PLXNA3: variants seen among roughly 807,000 people sequenced by gnomAD.
PLXNA3 encodes the protein plexin A3.
In PLXNA3, 52 loss-of-function variants were observed where a neutral mutation model predicts 118.8. The observed-to-expected ratio is 0.44, with a 90% CI of 0.35 to 0.55. PLXNA3 has a LOEUF of 0.55. Among genes scored for constraint, PLXNA3 ranks in the 20% least tolerant of loss-of-function variants. PLXNA3 has a pLI of 0.01. For synonymous variants in PLXNA3, 925 were observed against 762.4 expected (o/e 1.21, Z -3.51); for missense variants, 1,660 against 1,730.8 (o/e 0.96, Z 0.73).
chrX:154,471,042 A>G (rs984187892), intron 30 of PLXNA3, 63 bp from the exon 31 acceptor site: 71 of 972,187 alleles, frequency 7.3e-5, no homozygotes, highest in Non-Finnish European at 9.6e-5. Flanking sequence ...AGATGTGCAC[A>G]TGGGAGGGGC....
At chrX:154,459,474 G>A (rs1324774911) in intron 1 of PLXNA3, among the ~76,000 whole-genome samples, 6 of 112,547 alleles carry the variant, frequency 5.3e-5, no homozygotes, top group Admixed American at 1.9e-4. Context: ...GTGAACCCCT[G>A]GGTCTGGAGG....
chrX:154,467,569 G>C lies in PLXNA3; in HGVS notation c.3466G>C (p.Ala1156Pro), dbSNP rs145800483. 8.4e-7 allele frequency: 1 copy of C among 1,193,629 alleles called. No individual in the cohort carries two copies. Among genetic ancestry groups the C allele is most frequent in the East Asian group, 3.0e-5 (1 of 32,948 alleles). The part of the protein sequence containing the change: ...LKGKNLIPAA[A>P]GSSRLNYTVL... ...GGGCAAGAACCTGATTCCCGCTGCA[G>C]CCGGCAGCTCCCGCCTCAACTACAC... The change falls in exon 20 of 33, where the codon GCC becomes CCC. Residue 1156 changes from alanine to proline, a missense_variant. Ala to Pro is a conservative substitution (Grantham distance 27). Coordinates refer to ENST00000369682, the MANE Select transcript of PLXNA3 (RefSeq NM_017514.5).
chrX:154,464,428 C>T lies in PLXNA3; in HGVS notation c.1855C>T (p.Leu619Phe). The T allele has an allele frequency of 8.3e-7, 1 of 1,211,364 alleles. No homozygotes were observed. The highest frequency in any genetic ancestry group is 1.8e-5 in the South Asian group (1 of 57,038). The change falls in exon 9 of 33, where the codon CTT becomes TTT. Residue 619 changes from leucine (L) to phenylalanine (F), a missense_variant. Leu to Phe is a conservative substitution (Grantham distance 22). Coordinates refer to ENST00000369682, the MANE Select transcript of PLXNA3 (RefSeq NM_017514.5). ...GGCCACCCGCACTGTGCGGCTGCAG[C>T]TTCTCTCCAAGGAGACAGGCGTGAG... Reference protein sequence around the residue: ...HGATRTVRLQLLSKETGVRFA... With the variant: ...HGATRTVRLQFLSKETGVRFA...
In PLXNA3 at chrX:154,463,507, G is replaced by C; in HGVS notation, c.1434G>C (p.Leu478=). Residue 478 remains leucine, a synonymous_variant, in exon 5 of 33, where the codon CTG becomes CTC. Transcript: ENST00000369682. The part of the protein sequence containing the change: ...FSPDHRHIYL[L]SEKQVSQLPV... ...CGGACCACCGGCACATCTATCTCCTGAGTGAGAAGCAGGTGGGCCTGTGGT... is the reference window on the plus strand; with the variant it reads ...CGGACCACCGGCACATCTATCTCCTCAGTGAGAAGCAGGTGGGCCTGTGGT... 1 of 1,202,215 alleles carries C rather than the reference G, an allele frequency of 8.3e-7. No homozygotes were observed. Among genetic ancestry groups the C allele is most frequent in the Non-Finnish European group, 1.1e-6 (1 of 890,972 alleles).
rs782472371 is a variant in PLXNA3 at position 154,460,311 on chromosome X, G to T, written c.128G>T (p.Gly43Val). The T allele has an allele frequency of 8.3e-7, 1 of 1,210,671 alleles. No homozygotes were observed. The highest frequency in any genetic ancestry group is 1.1e-6 in the Non-Finnish European group (1 of 894,786). The change falls in exon 2 of 33, where the codon GGG (glycine) becomes GTG (valine). Residue 43 changes from glycine (G) to valine (V), a missense_variant. Transcript: ENST00000369682. Reference protein sequence around the residue: ...LTHLAVHRVTGEVFVGAVNRV... With the variant: ...LTHLAVHRVTVEVFVGAVNRV... Reference sequence around the variant, plus strand: ...CACCTGGCTGTGCACCGGGTGACTGGGGAGGTGTTCGTGGGCGCAGTGAAC... The same window carrying T: ...CACCTGGCTGTGCACCGGGTGACTGTGGAGGTGTTCGTGGGCGCAGTGAAC...
chrX:154,468,460 G>A lies in PLXNA3; in HGVS notation c.4121G>A (p.Ser1374Asn). Reference protein sequence around the residue: ...VASLTMVALQSRLDYATGLLK... With the variant: ...VASLTMVALQNRLDYATGLLK... ...TCGCTCACCATGGTGGCCCTGCAGA[G>A]CCGGCTCGACTATGCCACGGGGCTG... is the stretch of plus-strand genomic sequence containing the variant. Residue 1374 changes from serine (S) to asparagine (N), a missense_variant, in exon 23 of 33, where the codon AGC (serine) becomes AAC (asparagine). Transcript: ENST00000369682. 8.3e-7 allele frequency: 1 copy of A among 1,211,374 alleles called. No individual in the cohort carries two copies. The highest frequency in any genetic ancestry group is 3.0e-5 in the East Asian group (1 of 33,862).
At position 154,461,436 on chromosome X, in the gene PLXNA3, C is replaced by T. The variant is rs782455704; in HGVS notation, c.932C>T (p.Pro311Leu). The T allele has an allele frequency of 2.6e-5, 31 of 1,210,461 alleles. No homozygotes were observed. The highest frequency in any genetic ancestry group is 2.3e-4 in the Middle Eastern group (1 of 4,368). The change falls in exon 3 of 33, where the codon CCG becomes CTG. Residue 311 changes from proline to leucine, a missense_variant. By Grantham distance (98) the Pro-to-Leu change is moderately conservative. Coordinates refer to ENST00000369682, the MANE Select transcript of PLXNA3 (RefSeq NM_017514.5). ...CTGCTGGCCCAGGCCCTGGGCGTGC[C>T]GGCTGATGAGGACGTCCTCTTCACC... ...GLLLAQALGV[P>L]ADEDVLFTIF...
At chrX:154,462,435 A>T (rs1557205121) in intron 4 of PLXNA3, 125 bp downstream of exon 4, 1 of 539,809 alleles carries the variant, frequency 1.9e-6, no homozygotes, top group African/African-American at 2.5e-5. Flanking sequence ...GCAGGGAGGG[A>T]GATTTCCCTG....
intron 22 of PLXNA3, 27 bp downstream of exon 22, chrX:154,468,251 A>T: frequency 1.7e-6 from 2 of 1,167,056 alleles, no homozygotes; most frequent in Non-Finnish European, 2.3e-6. Context: ...CCTGCCCCCC[A>T]CCATTCCCTT....
chrX:154,462,071 C>T, intron 3 of PLXNA3, 57 bp from the exon 4 acceptor site: 3 of 1,009,350 alleles, frequency 3.0e-6, no homozygotes, highest in Non-Finnish European at 4.1e-6. Flanking sequence ...GAACTGCCGG[C>T]CTCCATCTTG....
chrX:154,459,884 ATCTGGGGTCC>A (rs2068909178), intron 1 of PLXNA3, among the ~76,000 whole-genome samples: 4 of 113,205 alleles, frequency 3.5e-5, no homozygotes, highest in African/African-American at 1.3e-4. Context: ...GAGATGTGGC[ATCTGGGGTCC>A]CAGTTCCAGC....
Position 154,468,437 on chromosome X carries a change from G to A in PLXNA3, c.4098G>A (p.Ser1366=), listed in dbSNP as rs201270436. ...TGCGCGACCGCGGCACCGTGGCCTC[G>A]CTCACCATGGTGGCCCTGCAGAGCC... The part of the protein sequence containing the change: ...FSMRDRGTVA[S]LTMVALQSRL... Residue 1366 remains serine, a synonymous_variant, in exon 23 of 33, where the codon TCG becomes TCA. Coordinates refer to ENST00000369682, the MANE Select transcript of PLXNA3 (RefSeq NM_017514.5). 3.2e-5 allele frequency: 39 copies of A among 1,210,070 alleles called. No homozygotes were observed. In the East Asian group the frequency reaches 9.5e-4, roughly 29 times the overall value.
At position 154,468,132 on chromosome X, in the gene PLXNA3, G is replaced by C; in HGVS notation, c.3871G>C (p.Glu1291Gln). ...DINELTNHMD[E>Q]VQIPFLDYRT... ...CAATGAGCTGACTAACCACATGGAC[G>C]AGGTGCAGATCCCCTTCCTGGACTA... Residue 1291 changes from glutamate to glutamine, a missense_variant, in exon 22 of 33, where the codon GAG becomes CAG. Physicochemically the swap from Glu to Gln is conservative, Grantham distance 29 (BLOSUM62 2). Around this residue, in one of 2 missense-constraint regions of PLXNA3, gnomAD observed 869 missense variants for 1,078.7 expected, o/e 0.81. Coordinates refer to ENST00000369682, the MANE Select transcript of PLXNA3 (RefSeq NM_017514.5). 1.7e-6 allele frequency: 2 copies of C among 1,194,592 alleles called. No individual in the cohort carries two copies. The highest frequency in any genetic ancestry group is 2.3e-6 in the Non-Finnish European group (2 of 885,717).
rs781885813 is a variant in PLXNA3 at position 154,469,668 on chromosome X, T to C, written c.4699-20T>C. On this transcript the variant is annotated intron_variant, in intron 27 of 32. Transcript: ENST00000369682. ...TTCTCAGCTTCCTGCACTGCCCCCCTCTGTCTCTGGGGCCTCCAGGTGACA... is the reference window on the plus strand; with the variant it reads ...TTCTCAGCTTCCTGCACTGCCCCCCCCTGTCTCTGGGGCCTCCAGGTGACA... 5.0e-6 allele frequency: 6 copies of C among 1,192,245 alleles called. No individual in the cohort carries two copies. Among genetic ancestry groups the C allele is most frequent in the Non-Finnish European group, 6.8e-6 (6 of 877,896 alleles).
chrX:154,459,395 GCTC>G (rs1165873221), intron 1 of PLXNA3, among the ~76,000 whole-genome samples: 5 of 111,849 alleles, frequency 4.5e-5, no homozygotes, highest in Admixed American at 9.4e-5. Flanking sequence ...TGGGGACATT[GCTC>G]CTCCTCTTGT....
rs996398737 is a variant in PLXNA3, at chrX:154,467,075, T to C, written c.3126T>C (p.Thr1042=). ...WSIINGSTAI[T]VSGTHLLTVQ... ...TCCCTAGTGGAAGCACTGCCATCAC[T>C]GTGAGTGGGACCCACCTGCTGACGG... Residue 1042 remains threonine (T), a synonymous_variant, in exon 18 of 33, where the codon ACT becomes ACC. Transcript: ENST00000369682. 8.3e-7 allele frequency: 1 copy of C among 1,209,949 alleles called. No homozygotes were observed. Among genetic ancestry groups the C allele is most frequent in the Non-Finnish European group, 1.1e-6 (1 of 894,534 alleles).
At position 154,466,765 on chromosome X, in the gene PLXNA3, C is replaced by A; in HGVS notation, c.3079C>A (p.Arg1027Ser). The change falls in exon 17 of 33, where the codon CGC becomes AGC. Residue 1027 changes from arginine to serine, a missense_variant. Arg to Ser is a moderately radical substitution (Grantham distance 110). This residue lies in a region of PLXNA3 where 869 missense variants were observed against 1,078.7 expected (regional missense o/e 0.81). Coordinates refer to ENST00000369682, the MANE Select transcript of PLXNA3 (RefSeq NM_017514.5). ...CTACACTCAGGACCCCACCGTCACC[C>A]GCCTTGAGCCCACCTGGAGCATCAT... The part of the protein sequence containing the change: ...YTYTQDPTVT[R>S]LEPTWSIING... 8.4e-7 allele frequency: 1 copy of A among 1,189,984 alleles called. No homozygotes were observed. Among genetic ancestry groups the A allele is most frequent in the East Asian group, 3.0e-5 (1 of 33,048 alleles).
At position 154,473,036 on chromosome X, in the gene PLXNA3, T is replaced by C; in HGVS notation, c.*351T>C. The C allele has an allele frequency of 6.4e-6, 1 of 155,670 alleles. No individual in the cohort carries two copies. Among genetic ancestry groups the C allele is most frequent in the South Asian group, 1.8e-4 (1 of 5,535 alleles). 12.8% of individuals were successfully genotyped at this position (155,670 alleles called of 1,213,427 possible). A position where few individuals can be genotyped will look rare whatever the true frequency, so the allele number is the denominator to read the frequency against. On this transcript the variant is annotated 3_prime_UTR_variant, in exon 33 of 33. Coordinates refer to ENST00000369682, the MANE Select transcript of PLXNA3 (RefSeq NM_017514.5). ...CTCTGTCTCCATCTGTAAATATGTGTCCCCCCACCGGATGTCGCCACCCTC... is the reference window on the plus strand; with the variant it reads ...CTCTGTCTCCATCTGTAAATATGTGCCCCCCCACCGGATGTCGCCACCCTC...
In PLXNA3 at chrX:154,468,885, C is replaced by T; in HGVS notation, c.4350C>T (p.Gly1450=). ...CCATCAAGCAGCAGATGGAGAAGGGCCCCATTGATGCCATCACGGGCGAGG... is the reference window on the plus strand; with the variant it reads ...CCATCAAGCAGCAGATGGAGAAGGGTCCCATTGATGCCATCACGGGCGAGG... ...YCAIKQQMEK[G]PIDAITGEAR... The change falls in exon 25 of 33, where the codon GGC becomes GGT. Residue 1450 remains glycine, a synonymous_variant. Coordinates refer to ENST00000369682, the MANE Select transcript of PLXNA3 (RefSeq NM_017514.5). 8.3e-7 allele frequency: 1 copy of T among 1,211,509 alleles called. No individual in the cohort carries two copies. The highest frequency in any genetic ancestry group is 1.1e-6 in the Non-Finnish European group (1 of 895,436).
Sources: allele counts gnomAD v4.1 joint callset (sites outside exome capture counted in the v4.1 genomes callset), GRCh38; gene constraint gnomAD v4.1.1; regional missense constraint gnomAD v4.1.1; transcripts MANE v1.5; gene names NCBI Gene and HGNC (gene_info 2026-07-23, HGNC 2026-07-21).